The following ZNF140 variants were observed in gnomAD, a reference collection of about 807,000 sequenced individuals.
ZNF140 encodes the protein zinc finger protein 140 (clone pHZ-39).
ZNF140 carries 13 observed loss-of-function variants against 12.9 expected under a neutral mutation model. The observed-to-expected ratio is 1.01, with a 90% CI of 0.66 to 1.60. The LOEUF is 1.60. Among genes scored for constraint, ZNF140 ranks in the 40% most tolerant of loss-of-function variants. ZNF140 has a pLI of 0.00. For missense variants in ZNF140, 531 were observed against 548.8 expected (o/e 0.97, Z 0.32); for synonymous variants, 214 against 186.7 (o/e 1.15, Z -1.19).
intron 4 of ZNF140, among the ~76,000 whole-genome samples, chr12:133,090,737 C>G (rs925564458): frequency 3.4e-5 from 5 of 147,020 alleles, no homozygotes; most frequent in Non-Finnish European, 7.5e-5. Flanking sequence ...ATTATTTCAG[C>G]AAAAAGGAAT....
intron 4 of ZNF140, among the ~76,000 whole-genome samples, chr12:133,098,350 C>CCT (rs1955215224): frequency 6.6e-6 from 1 of 151,896 alleles, no homozygotes; most frequent in African/African-American, 2.4e-5. Context: ...GATCCTCCTG[C>CCT]CTCAACCTCC....
At chr12:133,094,883 C>T (rs917688072) in intron 4 of ZNF140, among the ~76,000 whole-genome samples, 1 of 151,418 alleles carries the variant, frequency 6.6e-6, no homozygotes, top group Non-Finnish European at 1.5e-5. Flanking sequence ...TATATTACCT[C>T]CTGTAATTGA....
chr12:133,101,187 C>T (rs995633552), intron 4 of ZNF140: 2 of 245,440 alleles, frequency 8.1e-6, no homozygotes, highest in Non-Finnish European at 1.7e-5. Flanking sequence ...TCTGTGTTTC[C>T]TCCATCTGTG....
intron 4 of ZNF140, among the ~76,000 whole-genome samples, chr12:133,088,650 A>G (rs1451691320): frequency 6.6e-6 from 1 of 152,184 alleles, no homozygotes; most frequent in Non-Finnish European, 1.5e-5. Flanking sequence ...TATGGTAAGA[A>G]TATATTTAGT....
chr12:133,090,111 A>G (rs1313975616), intron 4 of ZNF140, among the ~76,000 whole-genome samples: 1 of 151,996 alleles, frequency 6.6e-6, no homozygotes, highest in Non-Finnish European at 1.5e-5. Flanking sequence ...AGCCTCCCAA[A>G]GTGCCGGGAT....
At chr12:133,090,869 T>G (rs1224110763) in intron 4 of ZNF140, among the ~76,000 whole-genome samples, 14 of 134,804 alleles carry the variant, frequency 1.0e-4, no homozygotes, top group Admixed American at 5.3e-4. Flanking sequence ...TAATCCAGAT[T>G]TATGTTTCTC....
At chr12:133,103,202 C>T (rs1955424362) in intron 4 of ZNF140, among the ~76,000 whole-genome samples, 2 of 152,144 alleles carry the variant, frequency 1.3e-5, no homozygotes, top group African/African-American at 4.8e-5. Flanking sequence ...CTTCTCTCTT[C>T]TATTTTGAAA....
chr12:133,086,394 C>T (rs1954677610), intron 4 of ZNF140, among the ~76,000 whole-genome samples: 1 of 152,204 alleles, frequency 6.6e-6, no homozygotes, highest in South Asian at 2.1e-4. Flanking sequence ...GTGGTTTAAA[C>T]TTGCATTTGT....
intron 4 of ZNF140, among the ~76,000 whole-genome samples, chr12:133,100,583 G>A (rs1381260260): frequency 6.6e-6 from 1 of 152,170 alleles, no homozygotes; most frequent in Non-Finnish European, 1.5e-5. Context: ...CATATGAATA[G>A]AAGACTCATT....
rs529439392 is a variant in ZNF140 at position 133,106,261 on chromosome 12, G to A, written c.984G>A (p.Pro328=). Residue 328 remains proline (P), a synonymous_variant, in exon 5 of 5, where the codon CCG becomes CCA. Coordinates refer to ENST00000355557, the MANE Select transcript of ZNF140 (RefSeq NM_003440.4). ...RHQSIHTTKT[P]YECNECRKAF... Reference sequence around the variant, plus strand: ...AGAGCATCCATACAACCAAAACCCCGTATGAATGTAATGAATGTAGGAAAG... The same window carrying A: ...AGAGCATCCATACAACCAAAACCCCATATGAATGTAATGAATGTAGGAAAG... 1.5e-5 allele frequency: 25 copies of A among 1,614,070 alleles called. No homozygotes were observed. The highest frequency in any genetic ancestry group is 6.6e-5 in the South Asian group (6 of 91,080).
Position 133,091,018 on chromosome 12 carries a change from A to G in ZNF140, c.232+7457A>G, listed in dbSNP as rs1332201695. ...AATCGGGTTTTATACCGAGACATTC[A>G]GTTCCCAGGGGCAGACAGGAGACAG... On this transcript the variant is annotated intron_variant, in intron 4 of 4. Coordinates refer to ENST00000355557, the MANE Select transcript of ZNF140 (RefSeq NM_003440.4). Among the ~76,000 whole-genome samples the G allele has an allele frequency of 3.4e-5, 5 of 149,052 alleles. No individual in the cohort carries two copies. The South Asian group carries it at 6.4e-4, about 19-fold the overall frequency.
chr12:133,100,172 T>G (rs1225255941), intron 4 of ZNF140, among the ~76,000 whole-genome samples: 5 of 138,382 alleles, frequency 3.6e-5, no homozygotes, highest in Admixed American at 7.2e-5. Flanking sequence ...TTTTTTTTTT[T>G]TTTTTTTTTT....
At chr12:133,093,621 A>G in intron 4 of ZNF140, 1 of 617,028 alleles carries the variant, frequency 1.6e-6, no homozygotes, top group East Asian at 2.8e-5. Flanking sequence ...TTTCCACCAA[A>G]TTAGTTTTCC....
intron 4 of ZNF140, among the ~76,000 whole-genome samples, chr12:133,101,465 G>A (rs1376922178): frequency 2.1e-5 from 3 of 144,716 alleles, no homozygotes; most frequent in Non-Finnish European, 4.7e-5. Flanking sequence ...ATTCTTTTGA[G>A]ATGGAGTCTC....
chr12:133,081,369 A>ATATATATATAT (rs1369033688), intron 2 of ZNF140, 40 bp downstream of exon 2: 1 of 257,146 alleles, frequency 3.9e-6, no homozygotes, highest in Non-Finnish European at 6.6e-6. Context: ...ATATATATAT[A>ATATATATATAT]TAAATTTTTA....
In ZNF140 at chr12:133,093,572, TATCA is replaced by T. The variant is rs1954968538; in HGVS notation, c.232+10012_232+10015del. 2.2e-5 allele frequency: 15 copies of T among 672,190 alleles called. 1 individual carries two copies. Among genetic ancestry groups the T allele is most frequent in the Non-Finnish European group, 4.1e-5 (15 of 368,740 alleles). The allele number at this position is 672,190 out of a possible 1,614,324, so 41.6% of individuals were successfully genotyped here. A position where few individuals can be genotyped will look rare whatever the true frequency, so the allele number is the denominator to read the frequency against. ...CACAAGCAAAATCTCTCCCCCATGT[TATCA>T]CCTTCCCTATTTCCCATGTTTTATT... On this transcript the variant is annotated intron_variant, in intron 4 of 4. Coordinates refer to ENST00000355557, the MANE Select transcript of ZNF140 (RefSeq NM_003440.4).
Position 133,106,864 on chromosome 12 carries a change from C to T in ZNF140, c.*213C>T, listed in dbSNP as rs1231638638. ...CCACTCTTTTATTTTTTTGCAATAACAAGGTGAAATCAATATTGTTGAGAA... is the reference window on the plus strand; with the variant it reads ...CCACTCTTTTATTTTTTTGCAATAATAAGGTGAAATCAATATTGTTGAGAA... On this transcript the variant is annotated 3_prime_UTR_variant, in exon 5 of 5. Coordinates refer to ENST00000355557, the MANE Select transcript of ZNF140 (RefSeq NM_003440.4). The T allele has an allele frequency of 9.5e-6, 4 of 420,584 alleles. No individual in the cohort carries two copies. The highest frequency in any genetic ancestry group is 1.7e-5 in the Non-Finnish European group (4 of 238,712). 26.1% of individuals were successfully genotyped at this position (420,584 alleles called of 1,614,324 possible). A position where few individuals can be genotyped will look rare whatever the true frequency, so the allele number is the denominator to read the frequency against.
At chr12:133,101,526 G>A (rs1456554234) in intron 4 of ZNF140, among the ~76,000 whole-genome samples, 23 of 152,088 alleles carry the variant, frequency 1.5e-4, no homozygotes, top group African/African-American at 4.8e-4. Context: ...CTTACTGCAA[G>A]CTCCACCTCC....
intron 4 of ZNF140, among the ~76,000 whole-genome samples, chr12:133,084,482 T>C (rs1238152858): frequency 6.6e-6 from 1 of 152,212 alleles, no homozygotes; most frequent in African/African-American, 2.4e-5. Context: ...CTAAATAGCT[T>C]GCATTAGATA....
Sources: gnomAD v4.1 joint callset for allele counts (sites outside exome capture counted in the v4.1 genomes callset) on GRCh38, gnomAD v4.1.1 for gene constraint, MANE v1.5 for transcripts, NCBI Gene and HGNC (gene_info 2026-07-23, HGNC 2026-07-21) for gene names.